LRRC7: variants seen among roughly 807,000 people sequenced by gnomAD.
LRRC7 encodes the protein leucine rich repeat containing 7, also known as leucine-rich repeat-containing protein 7.
LRRC7 carries 23 observed loss-of-function variants against 175.7 expected under a neutral mutation model. The observed-to-expected ratio is 0.13, with a 90% CI of 0.09 to 0.19. LRRC7 has a LOEUF of 0.19. Among genes scored for constraint, LRRC7 ranks in the 10% least tolerant of loss-of-function variants. The pLI is 1.00. For missense variants in LRRC7, 1,354 were observed against 1,904.7 expected, an observed-to-expected ratio of 0.71 and a Z score of 5.38; for synonymous variants, 685 against 680.9, an observed-to-expected ratio of 1.01 and a Z score of -0.09.
rs58972495 is a variant in LRRC7 at position 70,135,845 on chromosome 1, C to A, written c.*13958C>A. Among the ~76,000 whole-genome samples the A allele has an allele frequency of 0.031, 4,697 of 152,232 alleles. 159 individuals are homozygous for A. Among genetic ancestry groups the A allele is most frequent in the African/African-American group, 0.089 (3,692 of 41,538 alleles). On this transcript the variant is annotated 3_prime_UTR_variant, in exon 27 of 27. Transcript: ENST00000651989. ...CAGTTTTGGGATATAAATCTTCAGCCATACTTGTAGAATCGTTTGACTAAG... is the reference window on the plus strand; with the variant it reads ...CAGTTTTGGGATATAAATCTTCAGCAATACTTGTAGAATCGTTTGACTAAG...
intron 2 of LRRC7, among the ~76,000 whole-genome samples, chr1:69,726,993 G>C (rs1414113861): frequency 1.3e-5 from 2 of 152,138 alleles, no homozygotes; most frequent in Non-Finnish European, 2.9e-5. Context: ...TTATTGGGTG[G>C]TTCTGGGTAG....
intron 1 of LRRC7, among the ~76,000 whole-genome samples, chr1:69,608,854 CTCTCTCTCTCTCTATATATA>C (rs1156806862): frequency 0.026 from 887 of 34,508 alleles, no homozygotes; most frequent in Admixed American, 0.051. Context: ...CTCTCTCTCT[CTCTCTCTCTCTCTATATATA>C]TATATATATA....
At position 69,766,822 on chromosome 1, in the gene LRRC7, A is replaced by T. The variant is rs545287376; in HGVS notation, c.303+6429A>T. On this transcript the variant is annotated intron_variant, in intron 3 of 26. Transcript: ENST00000651989. Reference sequence around the variant, plus strand: ...ATGTAGAAAACAATCATAAGCACAAAACAAATGGCAGGCTTCTACAAGAAA... The same window carrying T: ...ATGTAGAAAACAATCATAAGCACAATACAAATGGCAGGCTTCTACAAGAAA... Among the ~76,000 whole-genome samples the T allele has an allele frequency of 8.5e-5, 13 of 152,310 alleles. No homozygotes were observed. In the South Asian group the frequency reaches 2.7e-3, roughly 32 times the overall value.
At chr1:69,686,220 T>A (rs1487417305) in intron 2 of LRRC7, among the ~76,000 whole-genome samples, 1 of 152,162 alleles carries the variant, frequency 6.6e-6, no homozygotes, top group Non-Finnish European at 1.5e-5. Context: ...AGAGAATTTG[T>A]TGCTAACAAA....
At chr1:69,876,417 G>A (rs930377608) in intron 7 of LRRC7, among the ~76,000 whole-genome samples, 3 of 152,230 alleles carry the variant, frequency 2.0e-5, no homozygotes, top group East Asian at 3.9e-4. Flanking sequence ...AATAAAGACT[G>A]ATAGTCTATA....
At chr1:70,022,805 C>A (rs1657651041) in intron 16 of LRRC7, among the ~76,000 whole-genome samples, 1 of 152,108 alleles carries the variant, frequency 6.6e-6, no homozygotes, top group African/African-American at 2.4e-5. Flanking sequence ...AAATTCAGCA[C>A]CATTTTACCT....
At chr1:70,042,883 G>T (rs1252013073) in intron 21 of LRRC7, among the ~76,000 whole-genome samples, 2 of 152,142 alleles carry the variant, frequency 1.3e-5, no homozygotes, top group African/African-American at 4.8e-5. Context: ...ATGAAACTTT[G>T]ATGCTAAAAA....
chr1:69,959,546 T>C (rs1403621345), intron 8 of LRRC7, among the ~76,000 whole-genome samples: 1 of 152,040 alleles, frequency 6.6e-6, no homozygotes, highest in Admixed American at 6.6e-5. Context: ...AATAAGTTAC[T>C]GAGGTGGAGA....
intron 3 of LRRC7, among the ~76,000 whole-genome samples, chr1:69,791,755 A>T (rs1448674006): frequency 6.6e-6 from 1 of 151,994 alleles, no homozygotes; most frequent in Admixed American, 6.6e-5. Flanking sequence ...AAGAAAAAGC[A>T]GTCAGTGGGG....
At chr1:69,639,827 T>C (rs1048757504) in intron 1 of LRRC7, among the ~76,000 whole-genome samples, 1 of 151,574 alleles carries the variant, frequency 6.6e-6, no homozygotes, top group Admixed American at 6.6e-5. Context: ...ATATTAAGGA[T>C]AGAAACTTTC....
intron 2 of LRRC7, among the ~76,000 whole-genome samples, chr1:69,703,294 G>A (rs747944967): frequency 8.6e-5 from 13 of 151,122 alleles, no homozygotes; most frequent in South Asian, 2.1e-4. Flanking sequence ...TACTTTCAAC[G>A]ATTGTTCAAT....
intron 24 of LRRC7, among the ~76,000 whole-genome samples, chr1:70,076,757 T>C (rs750350715): frequency 3.2e-4 from 49 of 152,162 alleles, no homozygotes; most frequent in Non-Finnish European, 1.2e-4. Flanking sequence ...GGTGCAGAGA[T>C]AAAGCTTTGC....
chr1:69,925,308 A>T (rs879074803), intron 7 of LRRC7, among the ~76,000 whole-genome samples: 1 of 152,092 alleles, frequency 6.6e-6, no homozygotes, highest in Non-Finnish European at 1.5e-5. Context: ...GATGATGCTG[A>T]CCTCATAAAA....
intron 7 of LRRC7, among the ~76,000 whole-genome samples, chr1:69,840,514 A>G (rs2101374524): frequency 6.6e-6 from 1 of 152,176 alleles, no homozygotes; most frequent in Admixed American, 6.6e-5. Flanking sequence ...TCATCTTTTA[A>G]GTTTATATGC....
intron 1 of LRRC7, among the ~76,000 whole-genome samples, chr1:69,649,781 T>A (rs1176828245): frequency 6.6e-6 from 1 of 152,054 alleles, no homozygotes; most frequent in African/African-American, 2.4e-5. Context: ...TCCAGCTTTT[T>A]GTGCAAGCAG....
intron 7 of LRRC7, among the ~76,000 whole-genome samples, chr1:69,923,070 T>C (rs1387667753): frequency 6.6e-6 from 1 of 152,130 alleles, no homozygotes; most frequent in Non-Finnish European, 1.5e-5. Context: ...ATGCGGTGTT[T>C]GGTTTTTTGT....
intron 1 of LRRC7, among the ~76,000 whole-genome samples, chr1:69,669,583 A>G (rs1270481139): frequency 4.6e-5 from 7 of 152,032 alleles, no homozygotes; most frequent in Non-Finnish European, 8.8e-5. Context: ...ATGTTTTCTA[A>G]CCTTCTCATA....
chr1:69,984,718 G>A (rs1385303785), intron 9 of LRRC7, among the ~76,000 whole-genome samples: 1 of 152,082 alleles, frequency 6.6e-6, no homozygotes, highest in Non-Finnish European at 1.5e-5. Context: ...TGCCTTAACA[G>A]CTAAAATACT....
At chr1:70,041,142 G>A (rs144642043) in intron 21 of LRRC7, among the ~76,000 whole-genome samples, 3 of 152,054 alleles carry the variant, frequency 2.0e-5, no homozygotes, top group Non-Finnish European at 2.9e-5. Flanking sequence ...ATATACTATC[G>A]CATTGTCTCA....
Sources: gnomAD v4.1 joint callset for allele counts (sites outside exome capture counted in the v4.1 genomes callset) on GRCh38, gnomAD v4.1.1 for gene constraint, MANE v1.5 for transcripts, NCBI Gene and HGNC (gene_info 2026-07-23, HGNC 2026-07-21) for gene names.